LPAR1: variants seen among roughly 807,000 people sequenced by gnomAD.
LPAR1 encodes the protein lysophosphatidic acid receptor 1, also known as LPA receptor 1.
LPAR1 carries 5 observed loss-of-function variants against 23.8 expected under a neutral mutation model. The observed-to-expected ratio is 0.21, with a 90% CI of 0.11 to 0.44. The LOEUF (loss-of-function observed/expected upper bound fraction) is 0.44, where lower values mean the gene tolerates loss of function less well. Ranked by LOEUF, LPAR1 falls within the 20% of genes least tolerant of loss-of-function variation. LPAR1 has a pLI of 0.99. For missense variants in LPAR1, 311 were observed against 482.8 expected (o/e 0.64, Z 3.33); for synonymous variants, 160 against 164.7 (o/e 0.97, Z 0.22).
chr9:110,889,100 A>G (rs7874593), intron 5 of LPAR1, among the ~76,000 whole-genome samples: 68,698 of 152,054 alleles, frequency 0.45, 17,205 homozygotes, highest in African/African-American at 0.69. Context: ...AGTGGCTCTC[A>G]CCTGTAATCC....
chr9:110,946,133 A>G (rs1406724584), intron 4 of LPAR1, among the ~76,000 whole-genome samples: 1 of 152,182 alleles, frequency 6.6e-6, no homozygotes, highest in Non-Finnish European at 1.5e-5. Flanking sequence ...GAAAACTGAA[A>G]TGGCAGGTAG....
At chr9:110,922,938 C>T (rs1450414066) in intron 5 of LPAR1, among the ~76,000 whole-genome samples, 4 of 151,476 alleles carry the variant, frequency 2.6e-5, no homozygotes, top group Admixed American at 6.6e-5. Flanking sequence ...TTGCTGCACC[C>T]ATCAACCCAT....
At chr9:110,885,187 G>A (rs993253661) in intron 5 of LPAR1, among the ~76,000 whole-genome samples, 18 of 152,234 alleles carry the variant, frequency 1.2e-4, no homozygotes, top group African/African-American at 3.9e-4. Flanking sequence ...TTTATTTGAC[G>A]TTATTTTGTG....
intron 2 of LPAR1, among the ~76,000 whole-genome samples, chr9:111,006,157 C>A (rs780102825): frequency 1.3e-5 from 2 of 152,186 alleles, no homozygotes; most frequent in African/African-American, 2.4e-5. Context: ...TGCCCAAAAG[C>A]ACAAGTATTC....
At chr9:111,035,837 A>T (rs1459746482) in intron 2 of LPAR1, among the ~76,000 whole-genome samples, 1 of 152,202 alleles carries the variant, frequency 6.6e-6, no homozygotes, top group Non-Finnish European at 1.5e-5. Flanking sequence ...AAAATGATAC[A>T]GTGTATTCTG....
chr9:111,004,895 T>C (rs1240197672), intron 2 of LPAR1, among the ~76,000 whole-genome samples: 1 of 152,182 alleles, frequency 6.6e-6, no homozygotes, highest in Non-Finnish European at 1.5e-5. Context: ...GCACGGTGGC[T>C]CATGCCTGTA....
At chr9:110,959,445 G>A (rs182187319) in intron 4 of LPAR1, among the ~76,000 whole-genome samples, 32 of 151,730 alleles carry the variant, frequency 2.1e-4, no homozygotes, top group Admixed American at 1.4e-3. Flanking sequence ...GTGAAACCCC[G>A]TCTCTACCAA....
chr9:111,007,508 G>A (rs1016332083), intron 2 of LPAR1, among the ~76,000 whole-genome samples: 60 of 152,164 alleles, frequency 3.9e-4, no homozygotes, highest in African/African-American at 1.2e-3. Flanking sequence ...ACAAATGATC[G>A]ATGAGCATAA....
intron 2 of LPAR1, among the ~76,000 whole-genome samples, chr9:111,015,041 AG>A (rs2097414190): frequency 6.6e-6 from 1 of 152,160 alleles, no homozygotes; most frequent in Non-Finnish European, 1.5e-5. Flanking sequence ...AGTTGGACAC[AG>A]GCAGGTACAA....
Position 110,932,848 on chromosome 9 carries a change from T to C in LPAR1, c.793+8573A>G, listed in dbSNP as rs79806838. Among the ~76,000 whole-genome samples the C allele has an allele frequency of 4.7e-4, 71 of 152,206 alleles. No individual in the cohort carries two copies. In the East Asian group the frequency reaches 0.013, roughly 28 times the overall value. On this transcript the variant is annotated intron_variant, in intron 5 of 5. Coordinates refer to ENST00000683809, the MANE Select transcript of LPAR1 (RefSeq NM_001351411.2). Reference sequence around the variant, plus strand: ...CTCCTCCAACCCATCTGTGGAAAAATTGTCTTCCATGAAAGTGATTCCTGG... The same window carrying C: ...CTCCTCCAACCCATCTGTGGAAAAACTGTCTTCCATGAAAGTGATTCCTGG...
intron 5 of LPAR1, among the ~76,000 whole-genome samples, chr9:110,876,998 T>A (rs2079280833): frequency 6.6e-6 from 1 of 152,126 alleles, no homozygotes; most frequent in Non-Finnish European, 1.5e-5. Flanking sequence ...GGGCCCCATA[T>A]GTGTAATCAG....
rs184336050 is a variant in LPAR1 at position 110,951,288 on chromosome 9, A to G, written c.46-9120T>C. Among the ~76,000 whole-genome samples the G allele has an allele frequency of 5.8e-4, 88 of 152,262 alleles. 2 individuals are homozygous for G. Among genetic ancestry groups the G allele is most frequent in the Admixed American group, 2.0e-3 (30 of 15,302 alleles). On this transcript the variant is annotated intron_variant, in intron 4 of 5. Transcript: ENST00000683809. ...ATATTTCTAAATATGACCAAAAAGC[A>G]TCGATAAAACTTGACTAATCAAAAT...
chr9:111,009,855 C>T (rs2097293921), intron 2 of LPAR1, among the ~76,000 whole-genome samples: 1 of 151,234 alleles, frequency 6.6e-6, no homozygotes, highest in Non-Finnish European at 1.5e-5. Flanking sequence ...GGGGAAAAGA[C>T]TTGGTACTTA....
Position 111,038,333 on chromosome 9 carries a change from G to C in LPAR1, c.-428C>G, listed in dbSNP as rs900282717. 1.3e-5 allele frequency: 2 copies of C among 150,054 alleles called. No homozygotes were observed. The highest frequency in any genetic ancestry group is 4.9e-5 in the African/African-American group (2 of 40,998). The allele number at this position is 150,054 out of a possible 1,614,324, so 9.3% of individuals were successfully genotyped here. A position where few individuals can be genotyped will look rare whatever the true frequency, so the allele number is the denominator to read the frequency against. ...CCGCCCCCTGCGCCCACCCCGCCGG[G>C]GTCCCGTGCTCGGCCGGGCGGCGGG... On this transcript the variant is annotated 5_prime_UTR_variant, in exon 1 of 6. Coordinates refer to ENST00000683809, the MANE Select transcript of LPAR1 (RefSeq NM_001351411.2). This position sits in a 1 kb window ranked among gnomAD's most constrained non-coding sequence, Gnocchi z 4.4.
chr9:110,905,679 C>T (rs1205447452), intron 5 of LPAR1, among the ~76,000 whole-genome samples: 1 of 152,136 alleles, frequency 6.6e-6, no homozygotes, highest in Admixed American at 6.5e-5. Context: ...TAAGTATAAA[C>T]ACCTTAATTG....
At chr9:110,894,720 A>C (rs2085699731) in intron 5 of LPAR1, among the ~76,000 whole-genome samples, 1 of 152,034 alleles carries the variant, frequency 6.6e-6, no homozygotes, top group Non-Finnish European at 1.5e-5. Flanking sequence ...TTTTTGCTTA[A>C]AATTAAAAAT....
chr9:111,038,817 G>A (rs1460430141), upstream of LPAR1: 2 of 326,300 alleles, frequency 6.1e-6, no homozygotes, highest in South Asian at 2.2e-5. This position sits in a 1 kb window ranked among gnomAD's most constrained non-coding sequence, Gnocchi z 4.4. Context: ...CACCCGCAGC[G>A]GGAGACCCGT....
At chr9:110,906,145 T>C (rs908040387) in intron 5 of LPAR1, among the ~76,000 whole-genome samples, 6 of 151,966 alleles carry the variant, frequency 3.9e-5, no homozygotes, top group South Asian at 2.1e-4. Flanking sequence ...ATGGACAAGA[T>C]AGATGTTACC....
At chr9:110,911,417 C>T (rs1044293310) in intron 5 of LPAR1, among the ~76,000 whole-genome samples, 3 of 152,088 alleles carry the variant, frequency 2.0e-5, no homozygotes, top group African/African-American at 7.2e-5. Context: ...GTGGTTCACA[C>T]CTGTGGCCCA....
Sources: allele counts gnomAD v4.1 joint callset (sites outside exome capture counted in the v4.1 genomes callset), GRCh38; gene constraint gnomAD v4.1.1; non-coding constraint Gnocchi (gnomAD v3.1); transcripts MANE v1.5; gene names NCBI Gene and HGNC (gene_info 2026-07-23, HGNC 2026-07-21).